Variants in PRH1 observed in about 807,000 individuals in gnomAD.
The protein encoded by PRH1 is proline rich protein HaeIII subfamily 1.
Under a neutral mutation model 7.9 loss-of-function variants are expected in PRH1, and 7 were observed. The observed-to-expected ratio is 0.89, with a 90% CI of 0.50 to 1.67. The LOEUF is 1.67. PRH1 is among the 40% of genes most tolerant of loss of function. The probability of loss-of-function intolerance (pLI) is 0.00; values close to 1 mark genes in which losing one functional copy is unlikely to be tolerated. For missense variants in PRH1, 109 were observed against 223.6 expected, an observed-to-expected ratio of 0.49 and a Z score of 3.27; for synonymous variants, 45 against 80.8, an observed-to-expected ratio of 0.56 and a Z score of 2.38.
At chr12:10,984,280 C>T (rs1939499241) in intron 1 of PRH1, among the ~76,000 whole-genome samples, 2 of 152,120 alleles carry the variant, frequency 1.3e-5, no homozygotes, top group African/African-American at 2.4e-5. Context: ...CATCACACAT[C>T]GAATATGGCT....
intron 2 of PRH1, among the ~76,000 whole-genome samples, chr12:10,898,851 T>C (rs772351931): frequency 4.6e-5 from 7 of 152,156 alleles, no homozygotes; most frequent in Non-Finnish European, 7.3e-5. Context: ...TGTGCTAACA[T>C]TGGATGTACC....
chr12:10,921,070 A>T (rs1375233277), intron 2 of PRH1, among the ~76,000 whole-genome samples: 1 of 152,092 alleles, frequency 6.6e-6, no homozygotes, highest in African/African-American at 2.4e-5. Flanking sequence ...AGTATATATT[A>T]TGAGACTAAT....
chr12:10,930,403 C>G, intron 2 of PRH1: 1 of 1,517,444 alleles, frequency 6.6e-7, no homozygotes, highest in Non-Finnish European at 9.1e-7. Flanking sequence ...CAGGAATTGG[C>G]TAATATCAGT....
At chr12:11,100,399 TGAG>T (rs1291023256) in intron 1 of PRH1, among the ~76,000 whole-genome samples, 1 of 152,200 alleles carries the variant, frequency 6.6e-6, no homozygotes, top group Non-Finnish European at 1.5e-5. Flanking sequence ...TGATTTGATG[TGAG>T]GAGTTTTTTT....
At chr12:11,045,548 C>A (rs1942873058) in intron 1 of PRH1, among the ~76,000 whole-genome samples, 1 of 151,964 alleles carries the variant, frequency 6.6e-6, no homozygotes, top group African/African-American at 2.4e-5. Context: ...AATGTATGCA[C>A]CTAGTATGTA....
intron 1 of PRH1, among the ~76,000 whole-genome samples, chr12:11,054,594 T>A (rs1051574518): frequency 6.6e-6 from 1 of 152,126 alleles, no homozygotes; most frequent in Non-Finnish European, 1.5e-5. Context: ...TGGTATAATC[T>A]TTGAATGGTA....
At chr12:11,133,389 G>A (rs1417553971) in intron 1 of PRH1, 1 of 1,613,924 alleles carries the variant, frequency 6.2e-7, no homozygotes, top group Admixed American at 1.7e-5. Context: ...ATCTGCTTTA[G>A]CTTCTTGTTT....
chr12:10,980,973 G>T (rs1939324369), intron 1 of PRH1, among the ~76,000 whole-genome samples: 1 of 152,304 alleles, frequency 6.6e-6, no homozygotes, highest in Admixed American at 6.5e-5. Context: ...AGTTGAAGAG[G>T]CTTCATACTT....
In PRH1 at chr12:10,882,706, A is replaced by G. The variant is rs758608130; in HGVS notation, c.101-8T>C. On this transcript the variant is annotated splice_polypyrimidine_tract_variant and splice_region_variant and intron_variant, in intron 2 of 3. Coordinates refer to ENST00000543626, the MANE Select transcript of PRH1 (RefSeq NM_001393989.1). Reference sequence around the variant, plus strand: ...GCTCAGAGTCTCCTCCATCTGTGTGAGTTGAAACAAGAAGAGCTGAGCTCA... The same window carrying G: ...GCTCAGAGTCTCCTCCATCTGTGTGGGTTGAAACAAGAAGAGCTGAGCTCA... 4 of 1,591,926 alleles carry G rather than the reference A, an allele frequency of 2.5e-6. No homozygotes were observed. The South Asian group carries it at 4.6e-5, about 18-fold the overall frequency.
In PRH1 at chr12:11,054,873, GCTCACTGCAAGCTCTGC is replaced by G. The variant is rs1198190507; in HGVS notation, n.124-7702_124-7686del. 1.0e-2 allele frequency among the ~76,000 whole-genome samples: 1,239 copies of G among 124,278 alleles called. 10 individuals are homozygous for G. Among genetic ancestry groups the G allele is most frequent in the Non-Finnish European group, 0.017 (1,008 of 60,364 alleles). 81.5% of individuals were successfully genotyped at this position (124,278 alleles called of 152,430 possible). ...GCTGGAGTGCAGTGGCGAGATCTCG[GCTCACTGCAAGCTCTGC>G]CTCACTGCAAGCTCCGCCTCACTGC... On this transcript the variant is annotated intron_variant and non_coding_transcript_variant, in intron 1 of 4. Coordinates refer to the PRH1 transcript ENST00000541977.
chr12:10,915,931 C>G (rs909643618), intron 2 of PRH1, among the ~76,000 whole-genome samples: 1 of 152,150 alleles, frequency 6.6e-6, no homozygotes, highest in Non-Finnish European at 1.5e-5. Context: ...TTTAGTGTGC[C>G]TTAGTTGACC....
intron 1 of PRH1, among the ~76,000 whole-genome samples, chr12:11,043,037 C>T (rs1479149496): frequency 6.6e-6 from 1 of 152,086 alleles, no homozygotes; most frequent in African/African-American, 2.4e-5. Context: ...ATGCTAAAGT[C>T]TCAACAATAT....
intron 1 of PRH1, among the ~76,000 whole-genome samples, chr12:10,976,857 T>C (rs566012443): frequency 8.0e-4 from 122 of 151,970 alleles, no homozygotes; most frequent in Non-Finnish European, 1.3e-3. Context: ...CCTCCAAGAC[T>C]GAACTAAGAA....
rs145035004 is a variant in PRH1, at chr12:11,108,761, C to T, written n.124-61573G>A. 1.6e-3 allele frequency among the ~76,000 whole-genome samples: 243 copies of T among 152,296 alleles called. 1 individual carries two copies. Among genetic ancestry groups the T allele is most frequent in the African/African-American group, 5.5e-3 (230 of 41,574 alleles). ...AGCGATCATTTGGGCAGACACCAAG[C>T]TAGCTGCAGAAGTTTTTTGTCATAC... On this transcript the variant is annotated intron_variant and non_coding_transcript_variant, in intron 1 of 4. Coordinates refer to the PRH1 transcript ENST00000541977.
At position 10,973,830 on chromosome 12, in the gene PRH1, A is replaced by C. The variant is rs1938955720; in HGVS notation, c.-125-109T>G. 5.2e-6 allele frequency: 3 copies of C among 576,006 alleles called. No homozygotes were observed. The East Asian group carries it at 8.6e-5, about 17-fold the overall frequency. The allele number at this position is 576,006 out of a possible 1,614,324, so 35.7% of individuals were successfully genotyped here. ...AATCCAGCACAAGGAGAGTCTTTATAGGTGAAGAGTCAACTTATATATTTA... is the reference window on the plus strand; with the variant it reads ...AATCCAGCACAAGGAGAGTCTTTATCGGTGAAGAGTCAACTTATATATTTA... On this transcript the variant is annotated intron_variant, in intron 1 of 3. Transcript: ENST00000539853.
intron 1 of PRH1, among the ~76,000 whole-genome samples, chr12:11,020,994 C>G (rs1244642780): frequency 6.6e-6 from 1 of 152,242 alleles, no homozygotes; most frequent in East Asian, 1.9e-4. Context: ...TTTCTTCATT[C>G]CTATTATAGA....
Position 11,139,652 on chromosome 12 carries a change from A to G in PRH1, n.40-18472T>C, listed in dbSNP as rs187360643. 3.0e-4 allele frequency among the ~76,000 whole-genome samples: 46 copies of G among 152,308 alleles called. 1 individual carries two copies. The highest frequency in any genetic ancestry group is 2.3e-3 in the Admixed American group (35 of 15,298). On this transcript the variant is annotated intron_variant and non_coding_transcript_variant, in intron 1 of 1. Transcript: ENST00000541175. ...TGATCACTGTATAGTATTCCATTGT[A>G]TAAGTATGCCATAATTTGTTTATCC...
chr12:11,158,553 A>G (rs958413640), intron 1 of PRH1, among the ~76,000 whole-genome samples: 5 of 152,032 alleles, frequency 3.3e-5, no homozygotes, highest in Non-Finnish European at 7.4e-5. Context: ...CACATACTCT[A>G]TTGTTATTAG....
intron 1 of PRH1, among the ~76,000 whole-genome samples, chr12:11,075,134 G>C (rs201384630): frequency 8.5e-6 from 1 of 118,072 alleles, no homozygotes; most frequent in Admixed American, 8.8e-5. Flanking sequence ...TATACATTCA[G>C]TTGCATCACT....
Sources: gnomAD v4.1 joint callset for allele counts (sites outside exome capture counted in the v4.1 genomes callset) on GRCh38, gnomAD v4.1.1 for gene constraint, MANE v1.5 for transcripts, NCBI Gene and HGNC (gene_info 2026-07-23, HGNC 2026-07-21) for gene names.